The following CACNA2D3 variants were observed in gnomAD, a reference collection of about 807,000 sequenced individuals.
CACNA2D3 encodes the protein calcium voltage-gated channel auxiliary subunit alpha2delta 3.
A neutral mutation model predicts 160.6 loss-of-function variants in CACNA2D3; 60 were observed. The observed-to-expected ratio is 0.37, with a 90% CI of 0.30 to 0.46. CACNA2D3 has a LOEUF of 0.46. CACNA2D3 is among the 20% of genes least tolerant of loss of function. CACNA2D3 has a pLI of 1.00. For synonymous variants in CACNA2D3, 558 were observed against 492.9 expected (o/e 1.13, Z -1.75); for missense variants, 1,205 against 1,365.0 (o/e 0.88, Z 1.85).
At chr3:54,917,913 T>C (rs1700700788) in intron 27 of CACNA2D3, among the ~76,000 whole-genome samples, 1 of 152,184 alleles carries the variant, frequency 6.6e-6, no homozygotes. Flanking sequence ...AGCTATGAAA[T>C]TCCCAACCAA....
chr3:54,917,099 T>C (rs1303330695), intron 27 of CACNA2D3, among the ~76,000 whole-genome samples: 1 of 152,210 alleles, frequency 6.6e-6, no homozygotes, highest in East Asian at 1.9e-4. Context: ...GTGAGCATCA[T>C]GAGAGAGAAC....
intron 5 of CACNA2D3, among the ~76,000 whole-genome samples, chr3:54,534,232 T>C (rs1701851293): frequency 6.6e-6 from 1 of 152,230 alleles, no homozygotes; most frequent in African/African-American, 2.4e-5. Flanking sequence ...AGGGTAATCT[T>C]TTTTGGTGGC....
intron 11 of CACNA2D3, among the ~76,000 whole-genome samples, chr3:54,737,711 G>A (rs1423816088): frequency 6.6e-6 from 1 of 152,082 alleles, no homozygotes; most frequent in Non-Finnish European, 1.5e-5. Context: ...GTCGCCCAGG[G>A]TGGAGTGCAG....
intron 9 of CACNA2D3, among the ~76,000 whole-genome samples, chr3:54,610,625 C>CA (rs573849744): frequency 5.1e-4 from 77 of 151,056 alleles, no homozygotes; most frequent in African/African-American, 1.7e-3. Context: ...TTCTTCTTTC[C>CA]TTTTTTTTTC....
At chr3:54,892,544 A>G (rs1297015311) in intron 25 of CACNA2D3, among the ~76,000 whole-genome samples, 1 of 152,046 alleles carries the variant, frequency 6.6e-6, no homozygotes, top group African/African-American at 2.4e-5. Flanking sequence ...CCTTCTTGAT[A>G]CTCACATTTA....
intron 9 of CACNA2D3, among the ~76,000 whole-genome samples, chr3:54,596,098 G>C (rs1338949615): frequency 6.6e-6 from 1 of 152,092 alleles, no homozygotes; most frequent in African/African-American, 2.4e-5. Flanking sequence ...CTCATCCCAG[G>C]AATGGTGCCA....
chr3:54,842,948 C>T (rs1559601891), intron 16 of CACNA2D3, among the ~76,000 whole-genome samples: 1 of 151,366 alleles, frequency 6.6e-6, no homozygotes, highest in Admixed American at 6.6e-5. Flanking sequence ...AGAGAACTAC[C>T]TAGGGTTGAG....
intron 9 of CACNA2D3, among the ~76,000 whole-genome samples, chr3:54,601,400 G>A (rs1703057637): frequency 6.6e-6 from 1 of 152,062 alleles, no homozygotes; most frequent in African/African-American, 2.4e-5. Context: ...TAGAAACGGG[G>A]TCCTGCTGTG....
chr3:54,556,934 T>G (rs1238730507), intron 5 of CACNA2D3, among the ~76,000 whole-genome samples: 3 of 152,200 alleles, frequency 2.0e-5, no homozygotes, highest in Non-Finnish European at 2.9e-5. Flanking sequence ...GTGGGTTACT[T>G]CATTTCCACT....
intron 34 of CACNA2D3, 53 bp from the exon 35 acceptor site, chr3:55,018,153 T>G: frequency 1.7e-6 from 2 of 1,171,030 alleles, no homozygotes; most frequent in Middle Eastern, 3.8e-4. Flanking sequence ...CAGTCACAAT[T>G]TTGAGCCTGT....
intron 11 of CACNA2D3, among the ~76,000 whole-genome samples, chr3:54,709,694 G>A (rs1700920426): frequency 1.3e-5 from 2 of 152,206 alleles, no homozygotes; most frequent in African/African-American, 2.4e-5. Context: ...GGAGGCCAAA[G>A]TGGGATGGTT....
At chr3:54,894,430 C>G (rs755885842) in intron 25 of CACNA2D3, among the ~76,000 whole-genome samples, 2 of 152,082 alleles carry the variant, frequency 1.3e-5, no homozygotes, top group Non-Finnish European at 2.9e-5. Context: ...TGCAGCATTC[C>G]AGATCTATTG....
chr3:54,635,977 C>T (rs902084580), intron 10 of CACNA2D3, among the ~76,000 whole-genome samples: 10 of 152,000 alleles, frequency 6.6e-5, no homozygotes, highest in South Asian at 2.1e-4. Flanking sequence ...TTTCCTGACT[C>T]GGGCATGTTA....
At chr3:54,170,596 A>T (rs1409939286) in intron 2 of CACNA2D3, among the ~76,000 whole-genome samples, 1 of 151,940 alleles carries the variant, frequency 6.6e-6, no homozygotes, top group Non-Finnish European at 1.5e-5. Context: ...GGGCCAAGAA[A>T]TCTCCCTTCC....
chr3:54,920,302 T>G (rs1108633), intron 27 of CACNA2D3, among the ~76,000 whole-genome samples: 17,197 of 152,248 alleles, frequency 0.11, 986 homozygotes, highest in Middle Eastern at 0.15. Flanking sequence ...ATAGGGCCTA[T>G]CTTGCAGTGC....
At chr3:54,386,914 A>T in intron 4 of CACNA2D3, 140 bp downstream of exon 4, 1 of 755,510 alleles carries the variant, frequency 1.3e-6, no homozygotes, top group Non-Finnish European at 2.1e-6. Flanking sequence ...GGAATCTTTG[A>T]CAGGATTCTT....
intron 29 of CACNA2D3, among the ~76,000 whole-genome samples, chr3:54,975,252 C>T (rs1035940299): frequency 2.6e-5 from 4 of 152,140 alleles, no homozygotes; most frequent in East Asian, 1.9e-4. Context: ...GGCACGATGG[C>T]TCACACCTGT....
chr3:54,813,652 T>TA (rs1240550056), intron 13 of CACNA2D3, among the ~76,000 whole-genome samples: 5 of 152,030 alleles, frequency 3.3e-5, no homozygotes, highest in Non-Finnish European at 7.4e-5. Flanking sequence ...ACAAGGGAAG[T>TA]ACCAGTCACA....
At chr3:54,908,633 C>A (rs1360799294) in intron 27 of CACNA2D3, among the ~76,000 whole-genome samples, 1 of 152,194 alleles carries the variant, frequency 6.6e-6, no homozygotes, top group African/African-American at 2.4e-5. Context: ...GGGAGGATAG[C>A]TTGAGCCAGG....
Sources: allele counts gnomAD v4.1 joint callset (sites outside exome capture counted in the v4.1 genomes callset), GRCh38; gene constraint gnomAD v4.1.1; transcripts MANE v1.5; gene names NCBI Gene and HGNC (gene_info 2026-07-23, HGNC 2026-07-21).